MYLK3: variants seen among roughly 807,000 people sequenced by gnomAD.
MYLK3 encodes the protein MLC kinase.
MYLK3 carries 55 observed loss-of-function variants against 76.3 expected under a neutral mutation model. The ratio of observed to expected loss-of-function variants is 0.72; its 90% confidence interval spans 0.58 to 0.90. The LOEUF (loss-of-function observed/expected upper bound fraction) is 0.90. MYLK3 is among the 40% of genes least tolerant of loss of function. The pLI is 0.00. For missense variants in MYLK3, 973 were observed against 1,053.6 expected (o/e 0.92, Z 1.06); for synonymous variants, 416 against 425.4 (o/e 0.98, Z 0.27).
In MYLK3 at chr16:46,747,716, C is replaced by A. The variant is rs759973594; in HGVS notation, c.477+1G>T. 4 of 1,609,714 alleles carry A rather than the reference C, an allele frequency of 2.5e-6. No homozygotes were observed. The highest frequency in any genetic ancestry group is 1.3e-5 in the African/African-American group (1 of 75,012). ...GCCAGGGCAGGGAAGCAGGAACCAACCTCCTCAGGGCTGTCACCTGGGCTG... is the reference window on the plus strand; with the variant it reads ...GCCAGGGCAGGGAAGCAGGAACCAAACTCCTCAGGGCTGTCACCTGGGCTG... On this transcript the variant is annotated splice_donor_variant, in intron 1 of 12. Transcript: ENST00000394809. LOFTEE classifies it high-confidence loss of function.
intron 8 of MYLK3, among the ~76,000 whole-genome samples, chr16:46,724,224 T>G (rs1057436546): frequency 1.3e-5 from 2 of 152,364 alleles, no homozygotes; most frequent in South Asian, 4.1e-4. Flanking sequence ...ATATATGATT[T>G]GGAAATATTT....
At chr16:46,709,714 CT>C (rs758284064) in intron 11 of MYLK3, 43 bp from the exon 12 acceptor site, 1 of 1,596,700 alleles carries the variant, frequency 6.3e-7, no homozygotes, top group Non-Finnish European at 8.5e-7. Flanking sequence ...TTGGAGTTGC[CT>C]TTTCTCATCC....
In MYLK3 at chr16:46,714,704, A is replaced by G. The variant is rs186742737; in HGVS notation, c.1986-1928T>C. Among the ~76,000 whole-genome samples the G allele has an allele frequency of 9.1e-4, 138 of 152,256 alleles. 1 individual carries two copies. Among genetic ancestry groups the G allele is most frequent in the Non-Finnish European group, 1.5e-3 (100 of 68,020 alleles). Reference sequence around the variant, plus strand: ...TGTAGTTCCCTCCACAAGAGGTGTAATATATCACCCCCACTGACAGTGGGC... The same window carrying G: ...TGTAGTTCCCTCCACAAGAGGTGTAGTATATCACCCCCACTGACAGTGGGC... On this transcript the variant is annotated intron_variant, in intron 9 of 12. Coordinates refer to ENST00000394809, the MANE Select transcript of MYLK3 (RefSeq NM_182493.3).
intron 8 of MYLK3, among the ~76,000 whole-genome samples, chr16:46,723,794 C>T (rs1363040326): frequency 6.6e-6 from 1 of 152,088 alleles, no homozygotes; most frequent in East Asian, 1.9e-4. Context: ...GGATTACAGG[C>T]ATGTGCCACG....
At position 46,727,589 on chromosome 16, in the gene MYLK3, C is replaced by T. The variant is rs565111730; in HGVS notation, c.1773-212G>A. Among the ~76,000 whole-genome samples, 8 of 152,300 alleles carry T rather than the reference C, an allele frequency of 5.3e-5. No individual in the cohort carries two copies. The East Asian group carries it at 9.6e-4, about 18-fold the overall frequency. ...TCGCCCAGGCTGGAGTGCAGTGGCG[C>T]GATCTCTGCTCACTGCAACCTCCGT... On this transcript the variant is annotated intron_variant, in intron 7 of 12. Coordinates refer to ENST00000394809, the MANE Select transcript of MYLK3 (RefSeq NM_182493.3).
intron 9 of MYLK3, among the ~76,000 whole-genome samples, chr16:46,716,537 G>T (rs1347726405): frequency 6.8e-6 from 1 of 146,956 alleles, no homozygotes; most frequent in Non-Finnish European, 1.5e-5. Context: ...GTGTGTGTAT[G>T]TTTATTCCTG....
At position 46,732,533 on chromosome 16, in the gene MYLK3, C is replaced by T. The variant is rs1174587442; in HGVS notation, c.1137G>A (p.Gly379=). The T allele has an allele frequency of 6.2e-7, 1 of 1,603,180 alleles. No homozygotes were observed. The highest frequency in any genetic ancestry group is 1.3e-5 in the African/African-American group (1 of 75,046). Residue 379 remains glycine (G), a synonymous_variant, in exon 4 of 13, where the codon GGG becomes GGA. Transcript: ENST00000394809. The part of the protein sequence containing the change: ...QPGKQGPPGT[G]RCLQAPGTEP... ...CAGTCCCAGGGGCTTGGAGGCAGCG[C>T]CCGGTCCCAGGTGGGCCCTGCTTGC...
At chr16:46,743,635 A>C (rs909647977) in intron 1 of MYLK3, among the ~76,000 whole-genome samples, 1 of 152,342 alleles carries the variant, frequency 6.6e-6, no homozygotes, top group Non-Finnish European at 1.5e-5. Flanking sequence ...GACAGACGGG[A>C]AATGGCACAA....
intron 3 of MYLK3, among the ~76,000 whole-genome samples, chr16:46,736,601 C>T (rs970114240): frequency 6.6e-6 from 1 of 152,154 alleles, no homozygotes; most frequent in Non-Finnish European, 1.5e-5. Flanking sequence ...GGGATGCCTG[C>T]CAGGAACCCC....
Position 46,737,910 on chromosome 16 carries a change from G to T in MYLK3, c.802C>A (p.Pro268Thr). The T allele has an allele frequency of 6.2e-7, 1 of 1,614,198 alleles. No homozygotes were observed. The highest frequency in any genetic ancestry group is 8.5e-7 in the Non-Finnish European group (1 of 1,180,018). The change falls in exon 3 of 13, where the codon CCC (proline) becomes ACC (threonine). Residue 268 changes from proline to threonine, a missense_variant. Transcript: ENST00000394809. ...GGGGAGACCACATTGACCCTGCCGG[G>T]TGCTGGAGCCAATTCCAGGCCAGTC... ...LRTGLELAPA[P>T]GRVNVVSPSL...
chr16:46,748,893 A>G (rs952562069), upstream of MYLK3, among the ~76,000 whole-genome samples: 1 of 152,108 alleles, frequency 6.6e-6, no homozygotes, highest in Non-Finnish European at 1.5e-5. The surrounding 1 kb of genome is among the most constrained non-coding windows in gnomAD (Gnocchi z 4.3). Context: ...AGTCCCTTGT[A>G]CCTAAAAATA....
In MYLK3 at chr16:46,729,230, C is replaced by T. The variant is rs1596759267; in HGVS notation, c.1663-97G>A. On this transcript the variant is annotated intron_variant, in intron 6 of 12. Coordinates refer to ENST00000394809, the MANE Select transcript of MYLK3 (RefSeq NM_182493.3). ...GACAGACACAGAACTCCTCATTCTT[C>T]CTTAGTTTCCTATTCTCACACCAGG... 4.4e-6 allele frequency: 4 copies of T among 915,522 alleles called. No individual in the cohort carries two copies. In the African/African-American group the frequency reaches 6.5e-5, roughly 15 times the overall value. 56.7% of individuals were successfully genotyped at this position (915,522 alleles called of 1,614,324 possible). A position where few individuals can be genotyped will look rare whatever the true frequency, so the allele number is the denominator to read the frequency against.
chr16:46,706,053 A>G lies in MYLK3; in HGVS notation c.*1651T>C, dbSNP rs79188514. 2 of 152,214 alleles carry G rather than the reference A, an allele frequency of 1.3e-5. No homozygotes were observed. The highest frequency in any genetic ancestry group is 1.9e-4 in the East Asian group (1 of 5,182). The allele number at this position is 152,214 out of a possible 1,614,324, so 9.4% of individuals were successfully genotyped here. On this transcript the variant is annotated 3_prime_UTR_variant, in exon 13 of 13. Coordinates refer to ENST00000394809, the MANE Select transcript of MYLK3 (RefSeq NM_182493.3). ...AGGGATGACAGGGCTACTCTAATGC[A>G]TATAGAAAAGTGTTTAAATGTACAG... is the stretch of plus-strand genomic sequence containing the variant.
intron 3 of MYLK3, 67 bp downstream of exon 3, chr16:46,737,644 G>T: frequency 6.9e-7 from 1 of 1,458,958 alleles, no homozygotes; most frequent in South Asian, 1.3e-5. Context: ...TGCTGCCCAC[G>T]GCCGAGCTCC....
chr16:46,720,891 T>G (rs2143013661), intron 9 of MYLK3, among the ~76,000 whole-genome samples: 1 of 152,128 alleles, frequency 6.6e-6, no homozygotes, highest in Non-Finnish European at 1.5e-5. Flanking sequence ...GGAGTGAAGT[T>G]CAGTTAATTC....
intron 1 of MYLK3, among the ~76,000 whole-genome samples, chr16:46,756,357 T>A (rs1258051395): frequency 2.6e-5 from 4 of 152,202 alleles, no homozygotes; most frequent in African/African-American, 9.6e-5. Flanking sequence ...GTGGGGAGTG[T>A]GAGAAAGCTA....
chr16:46,726,710 A>G (rs955116960), intron 8 of MYLK3: 1 of 149,578 alleles, frequency 6.7e-6, no homozygotes, highest in Non-Finnish European at 1.5e-5. Flanking sequence ...AGAAAGAAAG[A>G]AAGAAAGAAA....
At chr16:46,715,051 C>A (rs1966723373) in intron 9 of MYLK3, among the ~76,000 whole-genome samples, 1 of 152,162 alleles carries the variant, frequency 6.6e-6, no homozygotes, top group African/African-American at 2.4e-5. Context: ...GTGGCACCCC[C>A]CTCAAGTATT....
chr16:46,718,895 G>A (rs1966771759), intron 9 of MYLK3, among the ~76,000 whole-genome samples: 2 of 152,090 alleles, frequency 1.3e-5, no homozygotes, highest in Non-Finnish European at 2.9e-5. Context: ...GAACCCAGGA[G>A]GCAGAGGTTG....
Sources: allele counts gnomAD v4.1 joint callset (sites outside exome capture counted in the v4.1 genomes callset), GRCh38; gene constraint gnomAD v4.1.1; non-coding constraint Gnocchi (gnomAD v3.1); transcripts MANE v1.5; gene names NCBI Gene and HGNC (gene_info 2026-07-23, HGNC 2026-07-21).